The following ADORA2B variants were observed in gnomAD, a reference collection of about 807,000 sequenced individuals.
The protein encoded by ADORA2B is adenosine A2b receptor, also known as adenosine receptor A2b.
ADORA2B carries 18 observed loss-of-function variants against 20.8 expected under a neutral mutation model. That is an observed-to-expected ratio of 0.87 (90% CI 0.60 to 1.29). ADORA2B has a LOEUF of 1.29. ADORA2B is among the 50% of genes most tolerant of loss of function. ADORA2B has a pLI of 0.00. For synonymous variants in ADORA2B, 179 were observed against 178.3 expected (o/e 1.00, Z -0.03); for missense variants, 441 against 422.7 (o/e 1.04, Z -0.38).
At chr17:15,973,080 G>A (rs916385417) in intron 1 of ADORA2B, among the ~76,000 whole-genome samples, 15 of 152,144 alleles carry the variant, frequency 9.9e-5, no homozygotes, top group African/African-American at 3.4e-4. Context: ...AGTAGACAGG[G>A]GCACTGCTAG....
rs138729349 is a variant in ADORA2B at position 15,967,558 on chromosome 17, G to T, written c.336-7121G>T. On this transcript the variant is annotated intron_variant, in intron 1 of 1. Transcript: ENST00000304222. ...AGGGACAGATTATTAAAGAAGATAAGAATGGGAGAAGGTGGAGGATGCAGG... is the reference window on the plus strand; with the variant it reads ...AGGGACAGATTATTAAAGAAGATAATAATGGGAGAAGGTGGAGGATGCAGG... 3.5e-3 allele frequency among the ~76,000 whole-genome samples: 526 copies of T among 152,244 alleles called. 2 individuals are homozygous for T. The highest frequency in any genetic ancestry group is 5.6e-3 in the Non-Finnish European group (381 of 68,006).
the ADORA2B span, among the ~76,000 whole-genome samples, chr17:15,861,277 A>G: frequency 4.8e-4 from 73 of 152,348 alleles, 1 homozygote; most frequent in South Asian, 0.015. Flanking sequence ...AGAGAGAAGT[A>G]GAAGTTCAGG....
At chr17:15,924,823 C>A in the ADORA2B span, among the ~76,000 whole-genome samples, 1 of 151,848 alleles carries the variant, frequency 6.6e-6, no homozygotes, top group African/African-American at 2.4e-5. Context: ...GTTTACCCCC[C>A]TTAGCCCCTC....
At chr17:15,854,547 A>G in the ADORA2B span, among the ~76,000 whole-genome samples, 1 of 152,236 alleles carries the variant, frequency 6.6e-6, no homozygotes, top group Admixed American at 6.5e-5. Flanking sequence ...ACGCTTTCCC[A>G]CAAGATTATG....
the ADORA2B span, among the ~76,000 whole-genome samples, chr17:15,916,963 T>A: frequency 1.3e-5 from 2 of 152,236 alleles, no homozygotes; most frequent in African/African-American, 2.4e-5. Flanking sequence ...TCCTAGCCAC[T>A]GCTCAATGCT....
chr17:15,940,193 C>T (rs543288122), upstream of ADORA2B, among the ~76,000 whole-genome samples: 29 of 152,280 alleles, frequency 1.9e-4, no homozygotes, highest in African/African-American at 4.8e-4. Flanking sequence ...ACTTAAAGCC[C>T]GTCAGTGTTG....
intron 1 of ADORA2B, among the ~76,000 whole-genome samples, chr17:15,958,142 G>A (rs916072250): frequency 5.3e-5 from 8 of 151,714 alleles, no homozygotes; most frequent in African/African-American, 9.7e-5. Flanking sequence ...CCTCAGCCTC[G>A]CGAGTAGCTG....
chr17:15,934,672 T>C, the ADORA2B span, among the ~76,000 whole-genome samples: 4 of 152,178 alleles, frequency 2.6e-5, no homozygotes, highest in Non-Finnish European at 5.9e-5. Context: ...AAAAGCTTTC[T>C]TCCTATATTG....
intron 1 of ADORA2B, among the ~76,000 whole-genome samples, chr17:15,947,605 G>A (rs1969825606): frequency 6.6e-6 from 1 of 152,196 alleles, no homozygotes. Flanking sequence ...TGCACAGGCA[G>A]TCCCCAGCTC....
upstream of ADORA2B, among the ~76,000 whole-genome samples, chr17:15,941,232 G>T (rs929001065): frequency 6.6e-5 from 10 of 152,158 alleles, no homozygotes; most frequent in African/African-American, 2.4e-4. Flanking sequence ...AGGATCTAGA[G>T]GTAGTCAGAT....
the ADORA2B span, among the ~76,000 whole-genome samples, chr17:15,906,454 C>T: frequency 6.6e-6 from 1 of 152,124 alleles, no homozygotes; most frequent in South Asian, 2.1e-4. Flanking sequence ...CTGAGATGAA[C>T]CCCACTTGAT....
the ADORA2B span, among the ~76,000 whole-genome samples, chr17:15,854,007 G>A: frequency 6.6e-6 from 1 of 152,184 alleles, no homozygotes; most frequent in Non-Finnish European, 1.5e-5. Context: ...CCAGGCTGGA[G>A]TGCAATGGCA....
chr17:15,945,721 T>A, intron 1 of ADORA2B, 138 bp downstream of exon 1: 2 of 808,412 alleles, frequency 2.5e-6, no homozygotes, highest in Non-Finnish European at 3.8e-6. Flanking sequence ...GAGGGCTGGT[T>A]CCCAGCCTGG....
At chr17:15,944,754 G>A (rs1176800576), upstream of ADORA2B, among the ~76,000 whole-genome samples, 1 of 152,094 alleles carries the variant, frequency 6.6e-6, no homozygotes. This position sits in a 1 kb window ranked among gnomAD's most constrained non-coding sequence, Gnocchi z 4.8. Context: ...GAGTGAGCTC[G>A]CCCCGCCCGG....
rs540919958 is a variant in ADORA2B at position 15,950,620 on chromosome 17, A to T, written c.335+5037A>T. Among the ~76,000 whole-genome samples, 660 of 152,032 alleles carry T rather than the reference A, an allele frequency of 4.3e-3. 3 individuals carry two copies. The highest frequency in any genetic ancestry group is 7.1e-3 in the Non-Finnish European group (486 of 67,978). Reference sequence around the variant, plus strand: ...GTGGGCACTGTGGGCCCCCAGCTGGACTCCTGCTCCCCTGTAACCACTCCA... The same window carrying T: ...GTGGGCACTGTGGGCCCCCAGCTGGTCTCCTGCTCCCCTGTAACCACTCCA... On this transcript the variant is annotated intron_variant, in intron 1 of 1. Coordinates refer to ENST00000304222, the MANE Select transcript of ADORA2B (RefSeq NM_000676.4).
chr17:15,869,568 A>G, the ADORA2B span, among the ~76,000 whole-genome samples: 3 of 152,092 alleles, frequency 2.0e-5, no homozygotes, highest in Admixed American at 2.0e-4. Context: ...ATTAAACCAG[A>G]TGCTTTCTGA....
chr17:15,944,681 C>T (rs1969774499), upstream of ADORA2B, among the ~76,000 whole-genome samples: 4 of 152,236 alleles, frequency 2.6e-5, no homozygotes, highest in Middle Eastern at 3.4e-3. The surrounding 1 kb of genome is among the most constrained non-coding windows in gnomAD (Gnocchi z 4.8). Flanking sequence ...GCGGCCTCGG[C>T]TCCCTGCCTG....
chr17:15,867,777 G>A, the ADORA2B span, among the ~76,000 whole-genome samples: 13 of 146,878 alleles, frequency 8.9e-5, no homozygotes, highest in East Asian at 8.3e-4. Context: ...CCGGCCAGCC[G>A]CCCCGTCCGG....
At chr17:15,919,470 C>A in the ADORA2B span, among the ~76,000 whole-genome samples, 1 of 152,184 alleles carries the variant, frequency 6.6e-6, no homozygotes, top group Non-Finnish European at 1.5e-5. Context: ...CTTAATTTTT[C>A]CTTCAGGGCC....
Sources: gnomAD v4.1 joint callset for allele counts (sites outside exome capture counted in the v4.1 genomes callset) on GRCh38, gnomAD v4.1.1 for gene constraint, Gnocchi (gnomAD v3.1) non-coding constraint, MANE v1.5 for transcripts, NCBI Gene and HGNC (gene_info 2026-07-23, HGNC 2026-07-21) for gene names.